The following NAV3 variants were observed in gnomAD, a reference collection of about 807,000 sequenced individuals.
The protein encoded by NAV3 is neuron navigator 3.
A neutral mutation model predicts 244.7 loss-of-function variants in NAV3; 87 were observed. The ratio of observed to expected loss-of-function variants is 0.36; its 90% confidence interval spans 0.30 to 0.42. NAV3 has a LOEUF of 0.42. Among genes scored for constraint, NAV3 ranks in the 20% least tolerant of loss-of-function variants. The probability of loss-of-function intolerance (pLI) is 1.00; values close to 1 mark genes in which losing one functional copy is unlikely to be tolerated. For missense variants in NAV3, 2,663 were observed against 2,893.3 expected (o/e 0.92, Z 1.83); for synonymous variants, 1,126 against 1,042.2 (o/e 1.08, Z -1.55).
intron 2 of NAV3, among the ~76,000 whole-genome samples, chr12:77,717,189 A>G (rs1018942744): frequency 2.0e-5 from 3 of 152,080 alleles, no homozygotes; most frequent in African/African-American, 7.2e-5. Flanking sequence ...CAGTACTATT[A>G]ACTATATGCA....
At chr12:77,999,696 T>G (rs1872912603) in intron 7 of NAV3, among the ~76,000 whole-genome samples, 1 of 152,160 alleles carries the variant, frequency 6.6e-6, no homozygotes, top group South Asian at 2.1e-4. Context: ...ATGTTTTCTT[T>G]AAAATATAAA....
rs951411386 is a variant in NAV3 at position 78,159,457 on chromosome 12, A to C, written c.4869+171A>C. Among the ~76,000 whole-genome samples the C allele has an allele frequency of 1.1e-4, 16 of 152,066 alleles. 2 individuals are homozygous for C. The highest frequency in any genetic ancestry group is 9.8e-4 in the Admixed American group (15 of 15,240). The stretch of plus-strand genomic sequence containing the variant: ...GGTGGGTGGATCACTTAAGGTCAGG[A>C]GTTCGAGACCAGCCTGGCCAACGTG... On this transcript the variant is annotated intron_variant, in intron 23 of 39. Coordinates refer to ENST00000397909, the MANE Select transcript of NAV3 (RefSeq NM_001024383.2).
chr12:77,743,117 A>G (rs1016449304), intron 2 of NAV3, among the ~76,000 whole-genome samples: 6 of 152,030 alleles, frequency 3.9e-5, no homozygotes, highest in Non-Finnish European at 8.8e-5. Context: ...TAAACAGACA[A>G]TATAAACTTA....
At position 78,025,595 on chromosome 12, in the gene NAV3, C is replaced by CAAAA. The variant is rs1186694789; in HGVS notation, c.2023+3758_2023+3761dup. Among the ~76,000 whole-genome samples the CAAAA allele has an allele frequency of 1.2e-3, 67 of 55,566 alleles. 2 individuals carry two copies. The East Asian group carries it at 0.013, about 11-fold the overall frequency. The allele number at this position is 55,566 out of a possible 152,430, so 36.5% of individuals were successfully genotyped here. On this transcript the variant is annotated intron_variant, in intron 9 of 39. Coordinates refer to ENST00000397909, the MANE Select transcript of NAV3 (RefSeq NM_001024383.2). ...TGGGTGACAGAGCTAGACTCCATCT[C>CAAAA]AAAAAAAAAAAAAAAAAAAAAAAAA...
At chr12:77,862,513 A>G (rs1272650645) in intron 1 of NAV3, among the ~76,000 whole-genome samples, 1 of 151,780 alleles carries the variant, frequency 6.6e-6, no homozygotes, top group Non-Finnish European at 1.5e-5. Flanking sequence ...GAATAATTTG[A>G]AAGTGTTTAT....
intron 20 of NAV3, among the ~76,000 whole-genome samples, chr12:78,142,149 A>T (rs544477773): frequency 6.6e-6 from 1 of 152,220 alleles, no homozygotes; most frequent in South Asian, 2.1e-4. Flanking sequence ...TTCCTAAATG[A>T]AGAATGGGAT....
At chr12:78,085,133 T>C (rs1953565533) in intron 12 of NAV3, among the ~76,000 whole-genome samples, 1 of 152,162 alleles carries the variant, frequency 6.6e-6, no homozygotes, top group African/African-American at 2.4e-5. Context: ...TGATTTGATA[T>C]TAAAGTGAGA....
At chr12:78,018,845 G>A (rs1039562981) in intron 8 of NAV3, among the ~76,000 whole-genome samples, 1 of 152,024 alleles carries the variant, frequency 6.6e-6, no homozygotes, top group African/African-American at 2.4e-5. Flanking sequence ...TTTTCCCTTC[G>A]TTCAGAGACA....
chr12:78,074,153 C>T (rs941154711), intron 12 of NAV3, among the ~76,000 whole-genome samples: 2 of 150,786 alleles, frequency 1.3e-5, no homozygotes, highest in African/African-American at 5.0e-5. Flanking sequence ...TGGGAAAAGT[C>T]AAGAAGGAGG....
intron 2 of NAV3, among the ~76,000 whole-genome samples, chr12:77,683,689 T>C (rs1036959443): frequency 2.6e-5 from 4 of 152,214 alleles, no homozygotes; most frequent in African/African-American, 9.6e-5. Flanking sequence ...AAAAATGGGT[T>C]ACACAGTAGG....
intron 2 of NAV3, among the ~76,000 whole-genome samples, chr12:77,668,200 T>A (rs1873806161): frequency 6.6e-6 from 1 of 152,072 alleles, no homozygotes; most frequent in Admixed American, 6.6e-5. Context: ...AGAAAAACAT[T>A]CTAGTAATAT....
At chr12:77,686,077 T>A (rs1874729723) in intron 2 of NAV3, among the ~76,000 whole-genome samples, 1 of 152,192 alleles carries the variant, frequency 6.6e-6, no homozygotes, top group African/African-American at 2.4e-5. Context: ...ATGCCTGATT[T>A]TAACTGTCCT....
chr12:78,018,248 T>G (rs147519610), intron 8 of NAV3, among the ~76,000 whole-genome samples: 189 of 152,216 alleles, frequency 1.2e-3, no homozygotes, highest in African/African-American at 4.3e-3. Flanking sequence ...TAACAAAAAT[T>G]TTAAAAAGGC....
chr12:78,082,402 G>GA (rs1487111538), intron 12 of NAV3, among the ~76,000 whole-genome samples: 1 of 152,044 alleles, frequency 6.6e-6, no homozygotes, highest in East Asian at 1.9e-4. Flanking sequence ...CACCCGTTTT[G>GA]AAAATATCTG....
chr12:77,604,012 T>C (rs954402318), intron 2 of NAV3, among the ~76,000 whole-genome samples: 5 of 152,162 alleles, frequency 3.3e-5, no homozygotes, highest in African/African-American at 1.2e-4. Context: ...GTTGATATTC[T>C]ATTTTTATTT....
intron 12 of NAV3, among the ~76,000 whole-genome samples, chr12:78,076,371 G>A (rs565935233): frequency 6.6e-6 from 1 of 152,186 alleles, no homozygotes; most frequent in South Asian, 2.1e-4. Context: ...TTCTCTGTGC[G>A]CTAGTTGTGT....
chr12:77,697,123 G>A lies in NAV3; in HGVS notation c.72+124857G>A, dbSNP rs185718270. Among the ~76,000 whole-genome samples, 264 of 152,278 alleles carry A rather than the reference G, an allele frequency of 1.7e-3. 1 individual carries two copies. Among genetic ancestry groups the A allele is most frequent in the African/African-American group, 6.1e-3 (255 of 41,568 alleles). On this transcript the variant is annotated intron_variant, in intron 2 of 8. Transcript: ENST00000550042. ...CCTGTGTAAATTCTCCTGGACTGGA[G>A]GAGCCTGGGATGTCTAACTAACTCC...
chr12:77,617,265 ACCATC>A (rs1871178317), intron 2 of NAV3, among the ~76,000 whole-genome samples: 1 of 152,142 alleles, frequency 6.6e-6, no homozygotes, highest in Non-Finnish European at 1.5e-5. Flanking sequence ...AGTGATCCCC[ACCATC>A]TGGTGTTCTT....
At chr12:78,181,679 G>A (rs1218892862) in intron 30 of NAV3, among the ~76,000 whole-genome samples, 1 of 151,996 alleles carries the variant, frequency 6.6e-6, no homozygotes. Flanking sequence ...TCATTTCAAG[G>A]ATAGAGAATT....
Sources: gnomAD v4.1 joint callset for allele counts (sites outside exome capture counted in the v4.1 genomes callset) on GRCh38, gnomAD v4.1.1 for gene constraint, MANE v1.5 for transcripts, NCBI Gene and HGNC (gene_info 2026-07-23, HGNC 2026-07-21) for gene names.